HAUS1: variants seen among roughly 807,000 people sequenced by gnomAD.
The protein encoded by HAUS1 is HAUS augmin like complex subunit 1, also known as HAUS augmin-like complex subunit 1.
A neutral mutation model predicts 38.6 loss-of-function variants in HAUS1; 25 were observed. The ratio of observed to expected loss-of-function variants is 0.65; its 90% CI spans 0.47 to 0.91. The LOEUF is 0.91. Among genes scored for constraint, HAUS1 ranks in the 40% least tolerant of loss-of-function variants. The probability of loss-of-function intolerance (pLI) is 0.00; values close to 1 mark genes in which losing one functional copy is unlikely to be tolerated. For synonymous variants in HAUS1, 109 were observed against 112.9 expected, an observed-to-expected ratio of 0.97 and a Z score of 0.22; for missense variants, 325 against 328.4, an observed-to-expected ratio of 0.99 and a Z score of 0.08.
At position 46,118,537 on chromosome 18, in the gene HAUS1, G is replaced by T. The variant is rs1911854582; in HGVS notation, c.341+221G>T. 2.2e-5 allele frequency: 11 copies of T among 492,598 alleles called. No individual in the cohort carries two copies. The South Asian group carries it at 2.9e-4, about 13-fold the overall frequency. 30.5% of individuals were successfully genotyped at this position (492,598 alleles called of 1,614,324 possible). On this transcript the variant is annotated intron_variant, in intron 3 of 8. Transcript: ENST00000282058. ...TTCCAGGATTAGATTTATGAAGGGTGGTTCTCATGTATATTTGGAAAGGGG... is the reference window on the plus strand; with the variant it reads ...TTCCAGGATTAGATTTATGAAGGGTTGTTCTCATGTATATTTGGAAAGGGG...
chr18:46,117,713 A>C (rs563164994), intron 2 of HAUS1, among the ~76,000 whole-genome samples: 3 of 152,098 alleles, frequency 2.0e-5, no homozygotes, highest in Middle Eastern at 3.4e-3. Flanking sequence ...GGGAGGCCAA[A>C]GTGGGCGGAT....
chr18:46,118,270 G>C lies in HAUS1; in HGVS notation c.295G>C (p.Val99Leu), dbSNP rs894198454. ...STGSRYLNALVDSAVALETKD... is the reference protein window; with the variant it reads ...STGSRYLNALLDSAVALETKD... Reference sequence around the variant, plus strand: ...TGGTTCCAGGTATCTGAATGCTTTGGTTGACAGTGCGGTGGCCCTTGAAAC... The same window carrying C: ...TGGTTCCAGGTATCTGAATGCTTTGCTTGACAGTGCGGTGGCCCTTGAAAC... The change falls in exon 3 of 9, where the codon GTT becomes CTT. Residue 99 changes from valine to leucine, a missense_variant. Physicochemically the swap from Val to Leu is conservative, Grantham distance 32. Coordinates refer to ENST00000282058, the MANE Select transcript of HAUS1 (RefSeq NM_138443.4). 1 of 1,613,244 alleles carries C rather than the reference G, an allele frequency of 6.2e-7. No individual in the cohort carries two copies. The highest frequency in any genetic ancestry group is 1.3e-5 in the African/African-American group (1 of 75,012).
chr18:46,118,573 A>G (rs929581426), intron 3 of HAUS1: 6 of 377,770 alleles, frequency 1.6e-5, no homozygotes, highest in Non-Finnish European at 2.9e-5. Context: ...TTAGTATCAC[A>G]TTGTTCCCTG....
chr18:46,108,027 G>C (rs1265219376), intron 2 of HAUS1, among the ~76,000 whole-genome samples: 1 of 152,054 alleles, frequency 6.6e-6, no homozygotes, highest in African/African-American at 2.4e-5. Context: ...TAATCATGAG[G>C]AATACAAATG....
chr18:46,125,562 A>T (rs544820717), intron 7 of HAUS1, among the ~76,000 whole-genome samples, 182 bp from the exon 8 acceptor site: 4,629 of 150,056 alleles, frequency 0.031, 233 homozygotes, highest in African/African-American at 0.11. Flanking sequence ...AAAAAAAAAA[A>T]GAAAGAAAAT....
intron 2 of HAUS1, among the ~76,000 whole-genome samples, chr18:46,105,771 G>C (rs976576362): frequency 2.6e-5 from 4 of 151,968 alleles, no homozygotes; most frequent in African/African-American, 9.7e-5. Flanking sequence ...AGTAAAGACA[G>C]GGTTTCACAA....
chr18:46,110,130 A>G (rs1911579223), intron 2 of HAUS1, among the ~76,000 whole-genome samples: 1 of 140,040 alleles, frequency 7.1e-6, no homozygotes, highest in African/African-American at 2.6e-5. Context: ...TGGTTTTTCT[A>G]TCTAGCAGAC....
At chr18:46,117,070 C>G (rs950084224) in intron 2 of HAUS1, among the ~76,000 whole-genome samples, 1 of 152,130 alleles carries the variant, frequency 6.6e-6, no homozygotes, top group Non-Finnish European at 1.5e-5. Context: ...AAATTGGAGC[C>G]TTCATCACTT....
chr18:46,124,500 T>G (rs1912043130), intron 6 of HAUS1, among the ~76,000 whole-genome samples: 1 of 151,302 alleles, frequency 6.6e-6, no homozygotes, highest in Admixed American at 6.6e-5. Flanking sequence ...GTGGGAAGAT[T>G]GGTTGAGCTG....
At chr18:46,124,549 G>A (rs1409988443) in intron 6 of HAUS1, among the ~76,000 whole-genome samples, 1 of 151,776 alleles carries the variant, frequency 6.6e-6, no homozygotes, top group Non-Finnish European at 1.5e-5. Flanking sequence ...TTGTACCACT[G>A]CACTCCAGCC....
intron 2 of HAUS1, among the ~76,000 whole-genome samples, chr18:46,115,496 T>C (rs891668984): frequency 6.9e-6 from 1 of 144,824 alleles, no homozygotes; most frequent in African/African-American, 2.6e-5. Context: ...GGGGTGGTGG[T>C]GCACGCCTGT....
chr18:46,111,331 GTTA>G (rs1258204282), intron 2 of HAUS1, among the ~76,000 whole-genome samples: 2 of 151,654 alleles, frequency 1.3e-5, no homozygotes, highest in Non-Finnish European at 2.9e-5. Flanking sequence ...TATTATTAAT[GTTA>G]TTATTTTTGA....
chr18:46,109,654 C>T (rs561680103), intron 2 of HAUS1: 1 of 151,606 alleles, frequency 6.6e-6, no homozygotes, highest in East Asian at 1.9e-4. Flanking sequence ...CAGAGTCATG[C>T]TCTGTCGCCC....
chr18:46,113,390 A>C (rs1911724736), intron 2 of HAUS1, among the ~76,000 whole-genome samples: 1 of 152,000 alleles, frequency 6.6e-6, no homozygotes, highest in Non-Finnish European at 1.5e-5. Context: ...AATATCTTTG[A>C]TCTATCTTCA....
rs917488506 is a variant in HAUS1, at chr18:46,120,876, G to A, written c.476+816G>A. Among the ~76,000 whole-genome samples the A allele has an allele frequency of 5.3e-5, 8 of 152,136 alleles. No individual in the cohort carries two copies. The East Asian group carries it at 1.4e-3, about 26-fold the overall frequency. ...GCTAGGATTACAGGCATGAGCCACC[G>A]CACCCAGCCTCCTGCCTTTTCTTAA... On this transcript the variant is annotated intron_variant, in intron 4 of 8. Coordinates refer to ENST00000282058, the MANE Select transcript of HAUS1 (RefSeq NM_138443.4).
intron 2 of HAUS1, 42 bp from the exon 3 acceptor site, chr18:46,118,139 A>T (rs561982856): frequency 1.0e-5 from 16 of 1,603,836 alleles, no homozygotes; most frequent in Admixed American, 5.1e-5. Context: ...AAAAATTTTT[A>T]AAAAAGCAAA....
intron 1 of HAUS1, among the ~76,000 whole-genome samples, chr18:46,104,812 G>A (rs1333535031): frequency 6.6e-6 from 1 of 152,198 alleles, no homozygotes; most frequent in Non-Finnish European, 1.5e-5. Flanking sequence ...GCCTCCCGGC[G>A]CGGCGGGGCT....
intron 3 of HAUS1, among the ~76,000 whole-genome samples, chr18:46,118,892 G>A (rs1479104067): frequency 1.7e-4 from 26 of 152,150 alleles, no homozygotes; most frequent in Admixed American, 1.7e-3. Context: ...TTTTGAGACA[G>A]AGTCTCATTC....
intron 1 of HAUS1, 148 bp downstream of exon 1, chr18:46,104,589 G>A: frequency 1.6e-6 from 1 of 636,488 alleles, no homozygotes; most frequent in Non-Finnish European, 2.5e-6. Context: ...GTCACTATCT[G>A]CAAGCCCCCC....
Sources: gnomAD v4.1 joint callset for allele counts (sites outside exome capture counted in the v4.1 genomes callset) on GRCh38, gnomAD v4.1.1 for gene constraint, MANE v1.5 for transcripts, NCBI Gene and HGNC (gene_info 2026-07-23, HGNC 2026-07-21) for gene names.